NEK7: variants seen among roughly 807,000 people sequenced by gnomAD.
NEK7 encodes serine/threonine-protein kinase Nek7.
In NEK7, 18 loss-of-function variants were observed where a neutral mutation model predicts 44.6. The observed-to-expected ratio is 0.40, with a 90% CI of 0.28 to 0.60. The LOEUF is 0.60. Among genes scored for constraint, NEK7 ranks in the 20% least tolerant of loss-of-function variants. The probability of loss-of-function intolerance (pLI) is 0.38; values close to 1 mark genes in which losing one functional copy is unlikely to be tolerated. For synonymous variants in NEK7, 130 were observed against 121.1 expected, an observed-to-expected ratio of 1.07 and a Z score of -0.48; for missense variants, 256 against 366.5, an observed-to-expected ratio of 0.70 and a Z score of 2.46.
intron 1 of NEK7, among the ~76,000 whole-genome samples, chr1:198,176,790 C>A (rs767722725): frequency 2.8e-4 from 43 of 151,818 alleles, no homozygotes; most frequent in Non-Finnish European, 5.7e-4. Context: ...GACCTAGGGA[C>A]CGTAGGGGAT....
chr1:198,294,701 G>T (rs1654659285), intron 8 of NEK7, among the ~76,000 whole-genome samples: 1 of 152,006 alleles, frequency 6.6e-6, no homozygotes, highest in Non-Finnish European at 1.5e-5. Flanking sequence ...GACTTAAAAT[G>T]CCACAAAAAT....
chr1:198,295,622 A>T (rs72731935), intron 8 of NEK7, among the ~76,000 whole-genome samples: 6 of 145,110 alleles, frequency 4.1e-5, no homozygotes, highest in Admixed American at 6.9e-5. Context: ...GGACATTCAG[A>T]TTTTTTTTTT....
At chr1:198,319,263 G>A (rs1409013590) in intron 9 of NEK7, 149 bp from the exon 10 acceptor site, 2 of 559,090 alleles carry the variant, frequency 3.6e-6, no homozygotes, top group Non-Finnish European at 6.4e-6. Flanking sequence ...ATTGGCAGCA[G>A]TCTTATATAT....
In NEK7 at chr1:198,320,377, T is replaced by C. The variant is rs1655500012; in HGVS notation, c.*855T>C. On this transcript the variant is annotated 3_prime_UTR_variant, in exon 10 of 10. Transcript: ENST00000367385. ...TACTATATTTCAATTTCTTTATAAA[T>C]TTAAGTGCATTTTAACTCATAATTG... The C allele has an allele frequency of 2.0e-5, 3 of 152,144 alleles. No individual in the cohort carries two copies. The highest frequency in any genetic ancestry group is 1.3e-4 in the Admixed American group (2 of 15,278). The allele number at this position is 152,144 out of a possible 1,614,324, so 9.4% of individuals were successfully genotyped here.
intron 6 of NEK7, among the ~76,000 whole-genome samples, 155 bp from the exon 7 acceptor site, chr1:198,278,799 A>G (rs889920814): frequency 1.3e-5 from 2 of 151,960 alleles, no homozygotes; most frequent in Non-Finnish European, 2.9e-5. Flanking sequence ...GTATTAGGAT[A>G]TATCAGAATT....
intron 1 of NEK7, among the ~76,000 whole-genome samples, chr1:198,232,101 A>C (rs1666414464): frequency 6.6e-6 from 1 of 152,150 alleles, no homozygotes; most frequent in Non-Finnish European, 1.5e-5. Flanking sequence ...CTGGCCTTTT[A>C]AGTTTAAATT....
intron 1 of NEK7, among the ~76,000 whole-genome samples, chr1:198,185,735 A>G (rs1664902651): frequency 6.6e-6 from 1 of 152,062 alleles, no homozygotes; most frequent in South Asian, 2.1e-4. Context: ...TGATTTTATT[A>G]AAATTGGGGC....
At chr1:198,265,010 A>G (rs941351171) in intron 5 of NEK7, among the ~76,000 whole-genome samples, 2 of 151,988 alleles carry the variant, frequency 1.3e-5, no homozygotes, top group African/African-American at 2.4e-5. Flanking sequence ...TGTTATTGTT[A>G]TTATTTCTCT....
rs1050917147 is a variant in NEK7 at position 198,170,808 on chromosome 1, A to G, written c.-29+13532A>G. 2.3e-4 allele frequency among the ~76,000 whole-genome samples: 35 copies of G among 152,242 alleles called. 1 individual carries two copies. The highest frequency in any genetic ancestry group is 4.4e-5 in the Non-Finnish European group (3 of 68,046). On this transcript the variant is annotated intron_variant, in intron 1 of 9. Coordinates refer to ENST00000367385, the MANE Select transcript of NEK7 (RefSeq NM_133494.3). ...TTTTTAAAATTTGATGATAATAGCA[A>G]TAAAAGCTTTAGTGCTTTTATGATC... is the stretch of plus-strand genomic sequence containing the variant.
intron 1 of NEK7, among the ~76,000 whole-genome samples, chr1:198,229,019 G>A (rs182194609): frequency 2.6e-4 from 40 of 152,258 alleles, no homozygotes; most frequent in African/African-American, 7.7e-4. Context: ...TTCAGAAGGC[G>A]TTCTGCCCCA....
chr1:198,213,761 C>G (rs1431203805), intron 1 of NEK7, among the ~76,000 whole-genome samples: 1 of 152,124 alleles, frequency 6.6e-6, no homozygotes, highest in Non-Finnish European at 1.5e-5. Flanking sequence ...GTGGATTTCA[C>G]TGAGCACTTC....
intron 1 of NEK7, among the ~76,000 whole-genome samples, chr1:198,174,150 A>T (rs940557128): frequency 6.6e-5 from 10 of 152,262 alleles, no homozygotes; most frequent in Non-Finnish European, 1.0e-4. Flanking sequence ...GTTCTGAGAT[A>T]TAAAAATATA....
intron 1 of NEK7, among the ~76,000 whole-genome samples, chr1:198,213,158 C>G (rs1665824936): frequency 1.3e-5 from 2 of 152,140 alleles, no homozygotes; most frequent in African/African-American, 4.8e-5. Context: ...CATCACTTGA[C>G]CGAGAGTCAT....
At chr1:198,221,428 A>G (rs1666075423) in intron 1 of NEK7, among the ~76,000 whole-genome samples, 2 of 151,820 alleles carry the variant, frequency 1.3e-5, no homozygotes, top group African/African-American at 2.4e-5. Context: ...TAATATAATT[A>G]ATTTTTTTTC....
chr1:198,247,264 CTTTAT>C (rs569958789), intron 2 of NEK7, among the ~76,000 whole-genome samples: 85 of 151,854 alleles, frequency 5.6e-4, no homozygotes, highest in Middle Eastern at 6.8e-3. Context: ...CCATTTTTGT[CTTTAT>C]TTTATTTTTT....
At chr1:198,193,240 CTCCCAAGA>C (rs2102771487) in intron 1 of NEK7, among the ~76,000 whole-genome samples, 1 of 152,206 alleles carries the variant, frequency 6.6e-6, no homozygotes, top group Admixed American at 6.5e-5. Flanking sequence ...TGCACACACC[CTCCCAAGA>C]CTGAACCAGG....
Position 198,253,069 on chromosome 1 carries a change from T to C in NEK7, c.87T>C (p.Asn29=), listed in dbSNP as rs1167227237. 6.2e-7 allele frequency: 1 copy of C among 1,612,576 alleles called. No homozygotes were observed. The highest frequency in any genetic ancestry group is 8.5e-7 in the Non-Finnish European group (1 of 1,178,956). Residue 29 remains asparagine (N), a synonymous_variant, in exon 3 of 10, where the codon AAT becomes AAC. Coordinates refer to ENST00000367385, the MANE Select transcript of NEK7 (RefSeq NM_133494.3). ...CCTTACGACCGGATATGGGCTATAATACATTAGCCAACTTTCGAATAGAAA... is the reference window on the plus strand; with the variant it reads ...CCTTACGACCGGATATGGGCTATAACACATTAGCCAACTTTCGAATAGAAA... ...QKALRPDMGY[N]TLANFRIEKK...
chr1:198,218,296 G>T (rs1665984964), intron 1 of NEK7, among the ~76,000 whole-genome samples: 1 of 151,754 alleles, frequency 6.6e-6, no homozygotes, highest in African/African-American at 2.4e-5. Flanking sequence ...CTTCGACAAA[G>T]AATACAAAAA....
At chr1:198,213,651 A>G (rs1049664592) in intron 1 of NEK7, among the ~76,000 whole-genome samples, 1 of 152,188 alleles carries the variant, frequency 6.6e-6, no homozygotes, top group Non-Finnish European at 1.5e-5. Context: ...CTCAATAGCC[A>G]GAATACTGGG....
Sources: allele counts gnomAD v4.1 joint callset (sites outside exome capture counted in the v4.1 genomes callset), GRCh38; gene constraint gnomAD v4.1.1; transcripts MANE v1.5; gene names NCBI Gene and HGNC (gene_info 2026-07-23, HGNC 2026-07-21).